XKR9: variants seen among roughly 807,000 people sequenced by gnomAD.
XKR9 encodes XK related 9, also known as XK-related protein 9.
A neutral mutation model predicts 32.0 loss-of-function variants in XKR9; 32 were observed. The ratio of observed to expected loss-of-function variants is 1.00; its 90% CI spans 0.76 to 1.34. The LOEUF (loss-of-function observed/expected upper bound fraction) is 1.34, where lower values mean the gene tolerates loss of function less well. Among genes scored for constraint, XKR9 ranks in the 40% most tolerant of loss-of-function variants. XKR9 has a pLI of 0.00. For synonymous variants in XKR9, 168 were observed against 143.4 expected, an observed-to-expected ratio of 1.17 and a Z score of -1.22; for missense variants, 546 against 429.7, an observed-to-expected ratio of 1.27 and a Z score of -2.39.
chr8:70,778,882 T>C (rs781778070), intron 2 of XKR9, among the ~76,000 whole-genome samples: 1 of 152,244 alleles, frequency 6.6e-6, no homozygotes, highest in Non-Finnish European at 1.5e-5. Flanking sequence ...TATACAGTTA[T>C]GTCATCTGCA....
chr8:70,926,921 C>CAT, the XKR9 span, among the ~76,000 whole-genome samples: 1 of 151,994 alleles, frequency 6.6e-6, no homozygotes, highest in East Asian at 1.9e-4. Context: ...ACTTCACATT[C>CAT]ATATATATAT....
At chr8:70,687,312 C>CTCTCTCTT (rs1554544428) in intron 3 of XKR9, among the ~76,000 whole-genome samples, 3 of 138,252 alleles carry the variant, frequency 2.2e-5, no homozygotes, top group Admixed American at 7.7e-5. Context: ...TCTCTCCTCC[C>CTCTCTCTT]TCTTTCTTTC....
intron 1 of XKR9, 98 bp downstream of exon 1, chr8:70,669,636 G>GTA (rs1181919643): frequency 2.2e-5 from 1 of 46,062 alleles, no homozygotes; most frequent in African/African-American, 9.0e-5. Context: ...GTGTGTGTGT[G>GTA]TGTAGTAGTA....
At chr8:70,900,993 CT>C in the XKR9 span, among the ~76,000 whole-genome samples, 1 of 152,122 alleles carries the variant, frequency 6.6e-6, no homozygotes, top group Non-Finnish European at 1.5e-5. Flanking sequence ...TGAACTCATC[CT>C]TTTTTATGGC....
At chr8:71,048,581 G>A in the XKR9 span, among the ~76,000 whole-genome samples, 1 of 152,100 alleles carries the variant, frequency 6.6e-6, no homozygotes. Flanking sequence ...AAAATATCTG[G>A]ATGTTAACTT....
chr8:70,842,660 C>T, the XKR9 span, among the ~76,000 whole-genome samples: 1 of 152,152 alleles, frequency 6.6e-6, no homozygotes, highest in African/African-American at 2.4e-5. Context: ...ACCTGGCTCT[C>T]ATTATCATTA....
rs545306759 is a variant in XKR9, at chr8:70,702,318, T to C, written c.273-4615T>C. ...CATAGGATTACAGTCTTTTTGCCTT[T>C]ATTAAGACTTGTTTTTATAGCCCAG... On this transcript the variant is annotated intron_variant, in intron 3 of 4. Transcript: ENST00000408926. 1.1e-4 allele frequency among the ~76,000 whole-genome samples: 17 copies of C among 152,268 alleles called. No individual in the cohort carries two copies. In the South Asian group the frequency reaches 3.3e-3, roughly 30 times the overall value.
At chr8:70,992,713 C>T in the XKR9 span, among the ~76,000 whole-genome samples, 1 of 152,192 alleles carries the variant, frequency 6.6e-6, no homozygotes, top group African/African-American at 2.4e-5. Flanking sequence ...CTTCAGAGCC[C>T]TGGTGTTGGT....
rs73282953 is a variant in XKR9, at chr8:70,748,150, C to A, written n.352+40997C>A. 3.7e-3 allele frequency among the ~76,000 whole-genome samples: 562 copies of A among 152,314 alleles called. 3 individuals carry two copies. Among genetic ancestry groups the A allele is most frequent in the African/African-American group, 0.013 (541 of 41,566 alleles). Reference sequence around the variant, plus strand: ...AGGGGCGGCCCATCTGGAATGGCCACTGTGAAGAAGTGGGTTGCAGCGGGG... The same window carrying A: ...AGGGGCGGCCCATCTGGAATGGCCAATGTGAAGAAGTGGGTTGCAGCGGGG... On this transcript the variant is annotated intron_variant and non_coding_transcript_variant, in intron 2 of 3. Transcript: ENST00000520273.
At chr8:70,841,274 G>A in the XKR9 span, among the ~76,000 whole-genome samples, 2 of 151,910 alleles carry the variant, frequency 1.3e-5, no homozygotes, top group Admixed American at 6.6e-5. Context: ...AAAAATTTCT[G>A]CTTATTTGAG....
downstream of XKR9, among the ~76,000 whole-genome samples, chr8:70,740,017 C>G (rs1263924469): frequency 3.3e-5 from 5 of 152,082 alleles, no homozygotes; most frequent in Non-Finnish European, 7.4e-5. Context: ...GTTGGCCTGC[C>G]TTGGTAGACT....
chr8:70,809,289 A>G, the XKR9 span, among the ~76,000 whole-genome samples: 3 of 152,206 alleles, frequency 2.0e-5, no homozygotes, highest in Non-Finnish European at 4.4e-5. Context: ...CCAAAACCTC[A>G]TCCGTACGTC....
At chr8:70,937,983 A>T in the XKR9 span, among the ~76,000 whole-genome samples, 2 of 152,060 alleles carry the variant, frequency 1.3e-5, no homozygotes, top group African/African-American at 2.4e-5. Context: ...CCACAGAGGG[A>T]TGGGTTCTAT....
intron 3 of XKR9, among the ~76,000 whole-genome samples, chr8:70,702,859 ATC>A (rs1291313509): frequency 6.6e-6 from 1 of 152,118 alleles, no homozygotes; most frequent in Non-Finnish European, 1.5e-5. Context: ...CAGTTTGATA[ATC>A]TCTTTTAATT....
chr8:71,052,427 G>A, the XKR9 span, among the ~76,000 whole-genome samples: 2 of 152,044 alleles, frequency 1.3e-5, no homozygotes, highest in African/African-American at 2.4e-5. Context: ...CTCTCCTCAG[G>A]GCACTTCGTA....
intron 2 of XKR9, among the ~76,000 whole-genome samples, chr8:70,783,893 A>G (rs921442206): frequency 2.0e-5 from 3 of 152,160 alleles, no homozygotes; most frequent in Non-Finnish European, 4.4e-5. Flanking sequence ...ATATGATTTG[A>G]GATAAGGGTT....
At chr8:70,862,764 T>C in the XKR9 span, among the ~76,000 whole-genome samples, 1 of 152,204 alleles carries the variant, frequency 6.6e-6, no homozygotes, top group Admixed American at 6.5e-5. Flanking sequence ...AACTTACATC[T>C]GGTGGGGAGA....
the XKR9 span, among the ~76,000 whole-genome samples, chr8:70,955,622 C>T: frequency 1.3e-4 from 20 of 152,320 alleles, 1 homozygote; most frequent in South Asian, 2.9e-3. Flanking sequence ...ATCTGGAAAC[C>T]TGTGGGGCCA....
the XKR9 span, among the ~76,000 whole-genome samples, chr8:71,008,634 T>A: frequency 1.3e-5 from 2 of 152,160 alleles, no homozygotes. Flanking sequence ...TTATTTTATT[T>A]TTTTACTTTT....
Sources: allele counts gnomAD v4.1 joint callset (sites outside exome capture counted in the v4.1 genomes callset), GRCh38; gene constraint gnomAD v4.1.1; transcripts MANE v1.5; gene names NCBI Gene and HGNC (gene_info 2026-07-23, HGNC 2026-07-21).